EPHB1: variants seen among roughly 807,000 people sequenced by gnomAD.
EPHB1 encodes ephrin type-B receptor 1.
Under a neutral mutation model 94.4 loss-of-function variants are expected in EPHB1, and 30 were observed. That is an observed-to-expected ratio of 0.32 (90% confidence interval 0.24 to 0.43). EPHB1 has a LOEUF of 0.43. EPHB1 is among the 20% of genes least tolerant of loss of function. The probability of loss-of-function intolerance (pLI) is 1.00; values close to 1 mark genes in which losing one functional copy is unlikely to be tolerated. For missense variants in EPHB1, 1,055 were observed against 1,308.3 expected (o/e 0.81, Z 2.99); for synonymous variants, 522 against 489.1 (o/e 1.07, Z -0.89).
intron 3 of EPHB1, among the ~76,000 whole-genome samples, chr3:134,984,349 A>G (rs942035846): frequency 4.6e-5 from 7 of 152,168 alleles, no homozygotes; most frequent in African/African-American, 1.7e-4. Flanking sequence ...TGACCCTGAG[A>G]GTAGCCATCT....
At chr3:134,967,287 A>C (rs1933795492) in intron 3 of EPHB1, among the ~76,000 whole-genome samples, 1 of 152,194 alleles carries the variant, frequency 6.6e-6, no homozygotes, top group African/African-American at 2.4e-5. Context: ...GGTACTAACT[A>C]GTCAGGGAGG....
At chr3:135,223,101 G>A (rs1202326267) in intron 12 of EPHB1, among the ~76,000 whole-genome samples, 1 of 152,172 alleles carries the variant, frequency 6.6e-6, no homozygotes, top group East Asian at 1.9e-4. Flanking sequence ...TGAAACATCA[G>A]TAAGCCTAAT....
At chr3:135,030,553 G>C (rs1936399126) in intron 3 of EPHB1, among the ~76,000 whole-genome samples, 1 of 152,218 alleles carries the variant, frequency 6.6e-6, no homozygotes, top group Non-Finnish European at 1.5e-5. Flanking sequence ...AGGGGTCAGG[G>C]ACCCACTTGA....
rs1204450072 is a variant in EPHB1 at position 135,192,754 on chromosome 3, C to T, written c.2061C>T (p.Val687=). 1 of 1,614,142 alleles carries T rather than the reference C, an allele frequency of 6.2e-7. No homozygotes were observed. The highest frequency in any genetic ancestry group is 8.5e-7 in the Non-Finnish European group (1 of 1,180,018). Residue 687 remains valine, a synonymous_variant, in exon 11 of 16, where the codon GTC becomes GTT. Transcript: ENST00000398015. ...ACATCATTCGCCTGGAGGGTGTGGT[C>T]ACCAAGAGTCGGCCTGTCATGATCA... The part of the protein sequence containing the change: ...HPNIIRLEGV[V]TKSRPVMIIT...
intron 1 of EPHB1, among the ~76,000 whole-genome samples, chr3:134,798,331 G>A (rs1281351624): frequency 6.6e-6 from 1 of 152,198 alleles, no homozygotes; most frequent in Non-Finnish European, 1.5e-5. Context: ...CCCCTGCCTG[G>A]GTGGAAGGAG....
intron 3 of EPHB1, among the ~76,000 whole-genome samples, chr3:135,037,928 G>T (rs1450019132): frequency 6.6e-6 from 1 of 152,172 alleles, no homozygotes; most frequent in Non-Finnish European, 1.5e-5. Flanking sequence ...TGTTAGAATT[G>T]GTGTGCCCCA....
At chr3:135,199,080 G>T (rs1184271091) in intron 11 of EPHB1, among the ~76,000 whole-genome samples, 1 of 152,218 alleles carries the variant, frequency 6.6e-6, no homozygotes, top group Non-Finnish European at 1.5e-5. Context: ...TAGACACATT[G>T]CTGCATGCAC....
At chr3:135,195,614 T>G (rs1253722926) in intron 11 of EPHB1, among the ~76,000 whole-genome samples, 1 of 147,398 alleles carries the variant, frequency 6.8e-6, no homozygotes, top group East Asian at 2.0e-4. Context: ...GATAGTTTAC[T>G]GAGAATGATG....
intron 1 of EPHB1, among the ~76,000 whole-genome samples, chr3:134,852,056 C>T (rs1167187086): frequency 2.0e-5 from 3 of 152,152 alleles, no homozygotes; most frequent in South Asian, 2.1e-4. Flanking sequence ...ATTATGTGCC[C>T]CATGTCCCTC....
chr3:135,043,785 C>A (rs1448234150), intron 3 of EPHB1, among the ~76,000 whole-genome samples: 1 of 152,198 alleles, frequency 6.6e-6, no homozygotes, highest in African/African-American at 2.4e-5. Flanking sequence ...CAAATTCTTT[C>A]CCACGTTAGT....
rs533046987 is a variant in EPHB1, at chr3:135,170,560, T to C, written c.1759+3554T>C. Among the ~76,000 whole-genome samples the C allele has an allele frequency of 7.8e-4, 118 of 152,138 alleles. No individual in the cohort carries two copies. The South Asian group carries it at 0.024, about 31-fold the overall frequency. On this transcript the variant is annotated intron_variant, in intron 9 of 15. Transcript: ENST00000398015. Reference sequence around the variant, plus strand: ...TGGAAGAGGCAGAGAAACAGTTTGTTCTCATGGTTTTTGTGGGCCCGTTCT... The same window carrying C: ...TGGAAGAGGCAGAGAAACAGTTTGTCCTCATGGTTTTTGTGGGCCCGTTCT...
intron 3 of EPHB1, among the ~76,000 whole-genome samples, chr3:135,050,892 A>G (rs1937149965): frequency 6.7e-6 from 1 of 150,180 alleles, no homozygotes; most frequent in African/African-American, 2.5e-5. Flanking sequence ...CTGCAGAATC[A>G]TGAGCCAACT....
chr3:134,805,476 C>T (rs2036025365), intron 1 of EPHB1, among the ~76,000 whole-genome samples: 1 of 152,160 alleles, frequency 6.6e-6, no homozygotes, highest in South Asian at 2.1e-4. Context: ...CCGTTGCTGG[C>T]TCCCTAGCAC....
rs764856812 is a variant in EPHB1 at position 135,192,633 on chromosome 3, A to G, written c.1940A>G (p.Tyr647Cys). The G allele has an allele frequency of 6.2e-7, 1 of 1,614,086 alleles. No individual in the cohort carries two copies. Among genetic ancestry groups the G allele is most frequent in the Non-Finnish European group, 8.5e-7 (1 of 1,179,978 alleles). The change falls in exon 11 of 16, where the codon TAC (tyrosine) becomes TGC (cysteine). Residue 647 changes from tyrosine (Y) to cysteine (C), a missense_variant. Transcript: ENST00000398015. Reference protein sequence around the residue: ...RLKLPGKREIYVAIKTLKAGY... With the variant: ...RLKLPGKREICVAIKTLKAGY... ...AAACTGCCAGGCAAGAGGGAAATCT[A>G]CGTGGCCATCAAGACCCTGAAGGCA...
At chr3:134,852,995 C>T (rs2037025693) in intron 1 of EPHB1, among the ~76,000 whole-genome samples, 1 of 152,060 alleles carries the variant, frequency 6.6e-6, no homozygotes. Flanking sequence ...GGGGTCACTG[C>T]CAGCTCTGAC....
At chr3:134,912,059 C>A (rs1040484236) in intron 1 of EPHB1, among the ~76,000 whole-genome samples, 3 of 152,198 alleles carry the variant, frequency 2.0e-5, no homozygotes, top group Admixed American at 2.0e-4. Flanking sequence ...GATTAACGAG[C>A]CTGGGCCACC....
intron 3 of EPHB1, among the ~76,000 whole-genome samples, chr3:135,071,394 T>C (rs534422340): frequency 2.9e-4 from 44 of 152,302 alleles, no homozygotes; most frequent in African/African-American, 1.0e-3. Flanking sequence ...TTCCAGCTAA[T>C]GTGAGAGGTA....
At chr3:135,032,391 A>G (rs1285617770) in intron 3 of EPHB1, among the ~76,000 whole-genome samples, 2 of 150,668 alleles carry the variant, frequency 1.3e-5, no homozygotes, top group Non-Finnish European at 3.0e-5. Flanking sequence ...TTTTCATAGC[A>G]TCCTGTTTTA....
intron 3 of EPHB1, among the ~76,000 whole-genome samples, chr3:135,014,503 G>A (rs1396034393): frequency 1.3e-5 from 2 of 152,230 alleles, no homozygotes; most frequent in African/African-American, 2.4e-5. Context: ...AGTAGGGGAA[G>A]GCTGCTTCTA....
Sources: allele counts gnomAD v4.1 joint callset (sites outside exome capture counted in the v4.1 genomes callset), GRCh38; gene constraint gnomAD v4.1.1; transcripts MANE v1.5; gene names NCBI Gene and HGNC (gene_info 2026-07-23, HGNC 2026-07-21).